SPAG16: variants seen among roughly 807,000 people sequenced by gnomAD.
SPAG16 encodes sperm-associated antigen 16 protein.
Under a neutral mutation model 80.4 loss-of-function variants are expected in SPAG16, and 86 were observed. The ratio of observed to expected loss-of-function variants is 1.07; its 90% CI spans 0.90 to 1.28. The LOEUF is 1.28. Among genes scored for constraint, SPAG16 ranks in the 50% most tolerant of loss-of-function variants. The pLI is 0.00. For missense variants in SPAG16, 870 were observed against 765.3 expected (o/e 1.14, Z -1.61); for synonymous variants, 294 against 265.9 (o/e 1.11, Z -1.03).
At chr2:214,234,031 C>T (rs1688894994) in intron 15 of SPAG16, among the ~76,000 whole-genome samples, 1 of 151,882 alleles carries the variant, frequency 6.6e-6, no homozygotes, top group Non-Finnish European at 1.5e-5. Context: ...TGCTCTCCCT[C>T]CTCCCACCTG....
chr2:214,258,065 G>A (rs1338435668), intron 15 of SPAG16, among the ~76,000 whole-genome samples: 1 of 151,910 alleles, frequency 6.6e-6, no homozygotes, highest in Non-Finnish European at 1.5e-5. Context: ...TTGCACTTAT[G>A]TTGTAGAATT....
chr2:214,251,078 T>A (rs1048471339), intron 15 of SPAG16, among the ~76,000 whole-genome samples: 18 of 151,898 alleles, frequency 1.2e-4, no homozygotes. Flanking sequence ...TAAAGATTTC[T>A]TTTTCCCTTA....
intron 13 of SPAG16, among the ~76,000 whole-genome samples, chr2:214,098,182 A>G (rs10169670): frequency 0.092 from 14,033 of 152,134 alleles, 822 homozygotes; most frequent in East Asian, 0.28. Flanking sequence ...CAATACAATA[A>G]ATAGTATAAA....
intron 10 of SPAG16, among the ~76,000 whole-genome samples, chr2:213,700,616 A>G (rs1256947722): frequency 2.6e-5 from 4 of 152,164 alleles, no homozygotes; most frequent in Non-Finnish European, 5.9e-5. Flanking sequence ...ATTTCTCAGT[A>G]ATTCTCTCAC....
At chr2:214,215,909 T>C (rs1224504364) in intron 15 of SPAG16, among the ~76,000 whole-genome samples, 1 of 152,248 alleles carries the variant, frequency 6.6e-6, no homozygotes, top group East Asian at 1.9e-4. Context: ...CCTGCCTTAG[T>C]TCCAAGAAAA....
At chr2:214,087,973 A>G (rs1277504172) in intron 13 of SPAG16, among the ~76,000 whole-genome samples, 1 of 152,144 alleles carries the variant, frequency 6.6e-6, no homozygotes, top group Non-Finnish European at 1.5e-5. Flanking sequence ...AGAATATCCA[A>G]AGGACATTTA....
At chr2:213,893,573 A>G (rs1189139533) in intron 11 of SPAG16, among the ~76,000 whole-genome samples, 1 of 152,142 alleles carries the variant, frequency 6.6e-6, no homozygotes, top group Non-Finnish European at 1.5e-5. Flanking sequence ...GCCAAAATGT[A>G]TGTGTGTGTT....
chr2:213,933,636 TG>T (rs1426745635), intron 12 of SPAG16, among the ~76,000 whole-genome samples: 1 of 152,172 alleles, frequency 6.6e-6, no homozygotes, highest in Non-Finnish European at 1.5e-5. Flanking sequence ...AGACAAGAAT[TG>T]GGTGGTTTGT....
chr2:214,279,309 A>G (rs955029750), intron 15 of SPAG16, among the ~76,000 whole-genome samples: 5 of 152,114 alleles, frequency 3.3e-5, no homozygotes, highest in Non-Finnish European at 4.4e-5. Context: ...GTTCGCAAGG[A>G]TGGTCTCAAT....
At chr2:213,877,176 T>A (rs901756974) in intron 11 of SPAG16, among the ~76,000 whole-genome samples, 1 of 152,184 alleles carries the variant, frequency 6.6e-6, no homozygotes, top group Non-Finnish European at 1.5e-5. Context: ...TTTTAATGTG[T>A]CTTCAGGGCT....
rs1008542323 is a variant in SPAG16 at position 214,080,405 on chromosome 2, T to A, written c.1528-27791T>A. 3.3e-5 allele frequency among the ~76,000 whole-genome samples: 5 copies of A among 150,368 alleles called. No individual in the cohort carries two copies. The East Asian group carries it at 9.8e-4, about 30-fold the overall frequency. On this transcript the variant is annotated intron_variant, in intron 13 of 15. Transcript: ENST00000331683. ...CAAGGTCAGGAGATCAAGACCATCCTGGCTAACGCGGTGAAACCCCATCTC... is the reference window on the plus strand; with the variant it reads ...CAAGGTCAGGAGATCAAGACCATCCAGGCTAACGCGGTGAAACCCCATCTC...
At chr2:213,947,881 T>G (rs894768862) in intron 12 of SPAG16, among the ~76,000 whole-genome samples, 3 of 152,154 alleles carry the variant, frequency 2.0e-5, no homozygotes, top group Admixed American at 6.5e-5. Context: ...GTGTGATTCC[T>G]TCAGCAATTT....
At chr2:213,676,399 G>T (rs1265896030) in intron 10 of SPAG16, among the ~76,000 whole-genome samples, 2 of 149,674 alleles carry the variant, frequency 1.3e-5, no homozygotes, top group Non-Finnish European at 3.0e-5. Context: ...AATTGCCCTG[G>T]CCAGAACTTC....
intron 10 of SPAG16, among the ~76,000 whole-genome samples, chr2:213,705,121 G>A (rs1421944836): frequency 6.6e-6 from 1 of 152,018 alleles, no homozygotes; most frequent in African/African-American, 2.4e-5. Context: ...TTAGGGGGGT[G>A]CCTATAGTCG....
intron 9 of SPAG16, among the ~76,000 whole-genome samples, chr2:213,463,327 A>G (rs1362540924): frequency 1.3e-5 from 2 of 152,256 alleles, no homozygotes; most frequent in African/African-American, 2.4e-5. Context: ...CCAGCTGCAG[A>G]AATTTGCTTA....
At chr2:213,769,354 G>A (rs965450195) in intron 10 of SPAG16, among the ~76,000 whole-genome samples, 3 of 152,052 alleles carry the variant, frequency 2.0e-5, no homozygotes, top group African/African-American at 4.8e-5. Flanking sequence ...GTTCATTTGC[G>A]GTAGAATATG....
chr2:213,609,380 A>G (rs1335437221), intron 10 of SPAG16, among the ~76,000 whole-genome samples: 1 of 152,152 alleles, frequency 6.6e-6, no homozygotes, highest in Non-Finnish European at 1.5e-5. Flanking sequence ...AGTATATCCC[A>G]ATTCTTCTGT....
chr2:213,623,134 G>A (rs2125058607), intron 10 of SPAG16, among the ~76,000 whole-genome samples: 1 of 152,240 alleles, frequency 6.6e-6, no homozygotes, highest in East Asian at 1.9e-4. Flanking sequence ...GTCTGTCATG[G>A]AGGTTGCCAT....
chr2:213,566,281 C>G (rs12996833), intron 10 of SPAG16, among the ~76,000 whole-genome samples: 40,483 of 151,920 alleles, frequency 0.27, 6,276 homozygotes, highest in Middle Eastern at 0.44. Flanking sequence ...AGTGCAAAGC[C>G]TCTTAGAATC....
Sources: gnomAD v4.1 joint callset for allele counts (sites outside exome capture counted in the v4.1 genomes callset) on GRCh38, gnomAD v4.1.1 for gene constraint, MANE v1.5 for transcripts, NCBI Gene and HGNC (gene_info 2026-07-23, HGNC 2026-07-21) for gene names.